The following PTPRQ variants were observed in gnomAD, a reference collection of about 807,000 sequenced individuals.
PTPRQ encodes protein tyrosine phosphatase receptor type Q.
In PTPRQ, 199 loss-of-function variants were observed where a neutral mutation model predicts 246.0. The observed-to-expected ratio is 0.81, with a 90% CI of 0.72 to 0.91. The LOEUF (loss-of-function observed/expected upper bound fraction) is 0.91, where lower values mean the gene tolerates loss of function less well. Among genes scored for constraint, PTPRQ ranks in the 40% least tolerant of loss-of-function variants. The pLI is 0.00. For synonymous variants in PTPRQ, 869 were observed against 853.2 expected (o/e 1.02, Z -0.32); for missense variants, 2,624 against 2,528.4 (o/e 1.04, Z -0.81).
intron 26 of PTPRQ, among the ~76,000 whole-genome samples, chr12:80,591,570 C>T (rs542037972): frequency 3.9e-5 from 6 of 152,090 alleles, no homozygotes; most frequent in South Asian, 4.2e-4. Context: ...ATAAGGATGA[C>T]GATACTATAA....
chr12:80,477,701 A>G (rs1425744705), intron 8 of PTPRQ, among the ~76,000 whole-genome samples: 6 of 152,210 alleles, frequency 3.9e-5, no homozygotes, highest in African/African-American at 1.4e-4. Flanking sequence ...AGGGCGAGGC[A>G]TTGCCTCACT....
chr12:80,473,558 C>T (rs1037687055), intron 8 of PTPRQ, among the ~76,000 whole-genome samples: 7 of 152,192 alleles, frequency 4.6e-5, no homozygotes, highest in Non-Finnish European at 1.0e-4. Flanking sequence ...TGTCTTCTTT[C>T]AAGACCAGCT....
intron 35 of PTPRQ, among the ~76,000 whole-genome samples, chr12:80,646,264 C>T (rs1400775180): frequency 1.3e-5 from 2 of 152,052 alleles, no homozygotes; most frequent in Non-Finnish European, 2.9e-5. Context: ...TAATTTAATA[C>T]ATTTCCCAAA....
At chr12:80,580,867 T>C (rs1371012548) in intron 25 of PTPRQ, among the ~76,000 whole-genome samples, 1 of 152,220 alleles carries the variant, frequency 6.6e-6, no homozygotes, top group Non-Finnish European at 1.5e-5. Flanking sequence ...ATTGTCATTA[T>C]GTTTCCTATA....
Position 80,472,109 on chromosome 12 carries a change from C to G in PTPRQ, c.1044C>G (p.Arg348=). Reference sequence around the variant, plus strand: ...GCTATCTTCCACTTTTTGCAGGTCGCATTTTGGATAACAGCACAAAAGACC... The same window carrying G: ...GCTATCTTCCACTTTTTGCAGGTCGGATTTTGGATAACAGCACAAAAGACC... ...YRVELYGPSG[R]ILDNSTKDLK... is the part of the protein sequence containing the mutation. Residue 348 remains arginine (R), a synonymous_variant, in exon 8 of 45, where the codon CGC becomes CGG. Coordinates refer to ENST00000644991, the MANE Select transcript of PTPRQ (RefSeq NM_001145026.2). 6.5e-7 allele frequency: 1 copy of G among 1,550,264 alleles called. No individual in the cohort carries two copies. Among genetic ancestry groups the G allele is most frequent in the Non-Finnish European group, 8.7e-7 (1 of 1,146,604 alleles).
At chr12:80,519,483 C>T (rs1895404862) in intron 17 of PTPRQ, among the ~76,000 whole-genome samples, 1 of 152,112 alleles carries the variant, frequency 6.6e-6, no homozygotes, top group African/African-American at 2.4e-5. Flanking sequence ...TCAAAGTGGC[C>T]ATCTCTCACA....
intron 6 of PTPRQ, among the ~76,000 whole-genome samples, chr12:80,461,389 G>T (rs1027350396): frequency 1.3e-5 from 2 of 152,052 alleles, no homozygotes; most frequent in African/African-American, 4.8e-5. Flanking sequence ...AATAGAGACA[G>T]TAATAGTACC....
intron 17 of PTPRQ, among the ~76,000 whole-genome samples, chr12:80,516,226 G>A (rs1241640354): frequency 2.0e-5 from 3 of 152,026 alleles, no homozygotes; most frequent in Non-Finnish European, 2.9e-5. Flanking sequence ...TAATTGTTTA[G>A]CACTTTTACT....
chr12:80,450,899 A>T (rs1289272876), intron 3 of PTPRQ, among the ~76,000 whole-genome samples: 5 of 152,184 alleles, frequency 3.3e-5, no homozygotes, highest in Non-Finnish European at 7.4e-5. Context: ...TCATAAAATG[A>T]GTTAGGGAGG....
At chr12:80,512,326 A>G (rs192739438) in intron 17 of PTPRQ, among the ~76,000 whole-genome samples, 40 of 152,346 alleles carry the variant, frequency 2.6e-4, no homozygotes, top group African/African-American at 9.1e-4. Flanking sequence ...TATATCTAGC[A>G]TAATGCATAA....
At chr12:80,519,892 G>C (rs1895417732) in intron 17 of PTPRQ, among the ~76,000 whole-genome samples, 1 of 152,016 alleles carries the variant, frequency 6.6e-6, no homozygotes, top group Non-Finnish European at 1.5e-5. Flanking sequence ...TGTGGAACAG[G>C]GGCTCAGTTA....
Position 80,678,744 on chromosome 12 carries a change from A to G in PTPRQ, c.6862+19A>G, listed in dbSNP as rs765113824. 11 of 1,541,234 alleles carry G rather than the reference A, an allele frequency of 7.1e-6. No homozygotes were observed. The highest frequency in any genetic ancestry group is 6.1e-5 in the Admixed American group (3 of 49,540). On this transcript the variant is annotated intron_variant, in intron 44 of 44. Transcript: ENST00000644991. The stretch of plus-strand genomic sequence containing the variant: ...ATGGAAGGTAAACAGAAACAACAGT[A>G]TATGCCCAGCTTACTAGTTTACCAC...
intron 26 of PTPRQ, among the ~76,000 whole-genome samples, chr12:80,598,963 C>T (rs949229545): frequency 1.3e-5 from 2 of 151,932 alleles, no homozygotes; most frequent in African/African-American, 4.8e-5. Flanking sequence ...ACAAATAAGT[C>T]TTTGAATGTG....
At chr12:80,450,162 G>T (rs1041265788) in intron 3 of PTPRQ, among the ~76,000 whole-genome samples, 12 of 152,096 alleles carry the variant, frequency 7.9e-5, no homozygotes, top group African/African-American at 2.9e-4. Flanking sequence ...GTTCACTCAT[G>T]ATTTGGCTCT....
intron 25 of PTPRQ, among the ~76,000 whole-genome samples, chr12:80,553,707 C>G (rs1418751324): frequency 1.3e-5 from 2 of 152,058 alleles, no homozygotes; most frequent in Non-Finnish European, 2.9e-5. Context: ...TCCCTTGTCA[C>G]AGTCAGATAT....
intron 14 of PTPRQ, among the ~76,000 whole-genome samples, chr12:80,500,755 G>A (rs73347733): frequency 0.012 from 1,866 of 151,990 alleles, 46 homozygotes; most frequent in African/African-American, 0.042. Flanking sequence ...CACCGTACTA[G>A]GTAGTGTAGC....
At chr12:80,526,748 T>C (rs975936614) in intron 17 of PTPRQ, among the ~76,000 whole-genome samples, 1 of 152,194 alleles carries the variant, frequency 6.6e-6, no homozygotes, top group Non-Finnish European at 1.5e-5. Flanking sequence ...ACGTTGATAC[T>C]ATTTGGTTAC....
At chr12:80,501,408 C>G (rs1047020265) in intron 14 of PTPRQ, among the ~76,000 whole-genome samples, 4 of 151,726 alleles carry the variant, frequency 2.6e-5, no homozygotes, top group Admixed American at 6.6e-5. Flanking sequence ...ATGGGGCAGT[C>G]CAGGGAAGAG....
chr12:80,661,423 T>G (rs1250370836), intron 39 of PTPRQ, among the ~76,000 whole-genome samples: 1 of 150,784 alleles, frequency 6.6e-6, no homozygotes, highest in Non-Finnish European at 1.5e-5. Context: ...CCAATATATA[T>G]ATTGTAATTT....
Sources: allele counts gnomAD v4.1 joint callset (sites outside exome capture counted in the v4.1 genomes callset), GRCh38; gene constraint gnomAD v4.1.1; transcripts MANE v1.5; gene names NCBI Gene and HGNC (gene_info 2026-07-23, HGNC 2026-07-21).